The following GABRB1 variants were observed in gnomAD, a reference collection of about 807,000 sequenced individuals.
GABRB1 encodes the protein gamma-aminobutyric acid receptor subunit beta-1.
In GABRB1, 17 loss-of-function variants were observed where a neutral mutation model predicts 51.6. That is an observed-to-expected ratio of 0.33 (90% confidence interval 0.23 to 0.49). The LOEUF (loss-of-function observed/expected upper bound fraction) is 0.49. GABRB1 is among the 20% of genes least tolerant of loss of function. The probability of loss-of-function intolerance (pLI) is 0.99; values close to 1 mark genes in which losing one functional copy is unlikely to be tolerated. For missense variants in GABRB1, 410 were observed against 600.6 expected (o/e 0.68, Z 3.32); for synonymous variants, 247 against 218.9 (o/e 1.13, Z -1.14).
At chr4:47,274,536 T>G (rs1723007086) in intron 4 of GABRB1, among the ~76,000 whole-genome samples, 1 of 152,110 alleles carries the variant, frequency 6.6e-6, no homozygotes, top group Non-Finnish European at 1.5e-5. Flanking sequence ...GTTCCAGATA[T>G]TCCATGTTGC....
intron 4 of GABRB1, among the ~76,000 whole-genome samples, chr4:47,247,923 G>T (rs1277709943): frequency 6.6e-6 from 1 of 151,974 alleles, no homozygotes. Flanking sequence ...GGAGTCTTTA[G>T]GGTTTTCAAG....
chr4:47,189,263 G>A (rs997016350), intron 4 of GABRB1, among the ~76,000 whole-genome samples: 1 of 151,834 alleles, frequency 6.6e-6, no homozygotes, highest in African/African-American at 2.4e-5. Flanking sequence ...CCATGCATGG[G>A]TTAAGCACTG....
At chr4:47,054,151 GT>G (rs10709198) in intron 3 of GABRB1, among the ~76,000 whole-genome samples, 77,674 of 150,792 alleles carry the variant, frequency 0.52, 20,093 homozygotes, top group African/African-American at 0.56. Context: ...CATTTACCAA[GT>G]TTTTTTTTTC....
chr4:47,410,659 G>A lies in GABRB1; in HGVS notation c.1080+3733G>A, dbSNP rs534247296. Among the ~76,000 whole-genome samples the A allele has an allele frequency of 2.0e-5, 3 of 152,276 alleles. No individual in the cohort carries two copies. The South Asian group carries it at 6.2e-4, about 32-fold the overall frequency. ...ATCCCTGAGCTACAAATGTACAAATGTACAAATACCAAGGAGCACAGAAAG... is the reference window on the plus strand; with the variant it reads ...ATCCCTGAGCTACAAATGTACAAATATACAAATACCAAGGAGCACAGAAAG... On this transcript the variant is annotated intron_variant, in intron 8 of 8. Coordinates refer to ENST00000295454, the MANE Select transcript of GABRB1 (RefSeq NM_000812.4).
At chr4:47,014,510 G>T (rs1724681713) in intron 1 of GABRB1, among the ~76,000 whole-genome samples, 1 of 151,940 alleles carries the variant, frequency 6.6e-6, no homozygotes, top group African/African-American at 2.4e-5. Flanking sequence ...ACCAAAATGT[G>T]TAGCATTTCC....
chr4:47,418,952 G>A (rs1247792914), intron 8 of GABRB1, among the ~76,000 whole-genome samples: 3 of 152,304 alleles, frequency 2.0e-5, no homozygotes, highest in African/African-American at 7.2e-5. Flanking sequence ...ATGTGAGCAT[G>A]AATATAATGT....
chr4:47,132,488 G>C (rs935346606), intron 3 of GABRB1, among the ~76,000 whole-genome samples: 7 of 151,982 alleles, frequency 4.6e-5, no homozygotes, highest in Non-Finnish European at 1.0e-4. Context: ...TATTTTTAGA[G>C]GATAGGATTT....
At chr4:47,094,757 A>C (rs1164083870) in intron 3 of GABRB1, among the ~76,000 whole-genome samples, 2 of 148,736 alleles carry the variant, frequency 1.3e-5, no homozygotes, top group Admixed American at 1.3e-4. Flanking sequence ...CCATGAACTT[A>C]AAGGTAAAAA....
intron 5 of GABRB1, among the ~76,000 whole-genome samples, chr4:47,357,760 T>C (rs1033756553): frequency 1.3e-5 from 2 of 152,142 alleles, no homozygotes; most frequent in African/African-American, 4.8e-5. Flanking sequence ...CAGCATTTAT[T>C]TTGGCAATGG....
intron 4 of GABRB1, among the ~76,000 whole-genome samples, chr4:47,207,215 A>G (rs1720173081): frequency 6.6e-6 from 1 of 151,992 alleles, no homozygotes; most frequent in South Asian, 2.1e-4. Context: ...CTCCATAGTC[A>G]ATCCATTAAC....
chr4:47,238,803 T>C (rs1721421518), intron 4 of GABRB1, among the ~76,000 whole-genome samples: 1 of 152,198 alleles, frequency 6.6e-6, no homozygotes, highest in African/African-American at 2.4e-5. Flanking sequence ...TTATGCAACA[T>C]TTATATGAAG....
chr4:47,306,163 T>C lies in GABRB1; in HGVS notation c.462-13964T>C, dbSNP rs142202098. ...CTTTAAAGAAAGAACAATGGAAAGA[T>C]AGACAAAAGATGGAATGTAACAAAC... On this transcript the variant is annotated intron_variant, in intron 4 of 8. Coordinates refer to ENST00000295454, the MANE Select transcript of GABRB1 (RefSeq NM_000812.4). Among the ~76,000 whole-genome samples, 772 of 149,244 alleles carry C rather than the reference T, an allele frequency of 5.2e-3. 5 individuals carry two copies. Among genetic ancestry groups the C allele is most frequent in the African/African-American group, 0.018 (730 of 40,460 alleles).
chr4:47,397,297 C>T (rs894112919), intron 5 of GABRB1, among the ~76,000 whole-genome samples: 2 of 152,150 alleles, frequency 1.3e-5, no homozygotes, highest in African/African-American at 4.8e-5. Context: ...TTGAGATTTA[C>T]AATAGTTTAT....
chr4:47,208,822 G>A (rs1363002125), intron 4 of GABRB1, among the ~76,000 whole-genome samples: 1 of 151,934 alleles, frequency 6.6e-6, no homozygotes, highest in East Asian at 1.9e-4. Flanking sequence ...CCTATAGTTG[G>A]GTCCATCTGA....
At chr4:47,308,223 G>C (rs4549353) in intron 4 of GABRB1, among the ~76,000 whole-genome samples, 10,366 of 151,996 alleles carry the variant, frequency 0.068, 471 homozygotes, top group Non-Finnish European at 0.1. Flanking sequence ...CTGATATTAA[G>C]ATTCAATGCG....
chr4:47,175,538 C>T (rs1271701499), intron 4 of GABRB1, among the ~76,000 whole-genome samples: 3 of 152,064 alleles, frequency 2.0e-5, no homozygotes, highest in African/African-American at 7.2e-5. Context: ...GTCAGGTTTA[C>T]TAGATTTTAA....
Position 47,426,441 on chromosome 4 carries a change from A to C in GABRB1, c.*423A>C, listed in dbSNP as rs1201193688. The C allele has an allele frequency of 3.9e-5, 6 of 152,156 alleles. No individual in the cohort carries two copies. Among genetic ancestry groups the C allele is most frequent in the African/African-American group, 1.4e-4 (6 of 41,484 alleles). 9.4% of individuals were successfully genotyped at this position (152,156 alleles called of 1,614,324 possible). ...AACTTATGCTGCCAAAAAAAAAAAA[A>C]AAAAAACATAAAAAAAAACACACAA... is the stretch of plus-strand genomic sequence containing the variant. On this transcript the variant is annotated 3_prime_UTR_variant, in exon 9 of 9. Coordinates refer to ENST00000295454, the MANE Select transcript of GABRB1 (RefSeq NM_000812.4).
chr4:47,127,843 A>C (rs1390164607), intron 3 of GABRB1, among the ~76,000 whole-genome samples: 1 of 151,880 alleles, frequency 6.6e-6, no homozygotes, highest in Non-Finnish European at 1.5e-5. Context: ...CTATAAAGCA[A>C]CCACTTAAAA....
intron 4 of GABRB1, among the ~76,000 whole-genome samples, chr4:47,178,175 A>G (rs988430102): frequency 5.9e-5 from 9 of 152,134 alleles, no homozygotes; most frequent in African/African-American, 2.2e-4. Flanking sequence ...CATTGAGATC[A>G]TTAAATGAGA....
Sources: allele counts gnomAD v4.1 joint callset (sites outside exome capture counted in the v4.1 genomes callset), GRCh38; gene constraint gnomAD v4.1.1; transcripts MANE v1.5; gene names NCBI Gene and HGNC (gene_info 2026-07-23, HGNC 2026-07-21).